ANAPC4: variants seen among roughly 807,000 people sequenced by gnomAD.
ANAPC4 encodes the protein anaphase-promoting complex subunit 4.
Under a neutral mutation model 119.8 loss-of-function variants are expected in ANAPC4, and 63 were observed. The observed-to-expected ratio is 0.53, with a 90% CI of 0.43 to 0.65. The LOEUF is 0.65. Ranked by LOEUF, ANAPC4 falls within the 30% of genes least tolerant of loss-of-function variation. ANAPC4 has a pLI of 0.00. For synonymous variants in ANAPC4, 283 were observed against 318.6 expected, an observed-to-expected ratio of 0.89 and a Z score of 1.19; for missense variants, 716 against 945.1, an observed-to-expected ratio of 0.76 and a Z score of 3.18.
Position 25,377,451 on chromosome 4 carries a change from C to A in ANAPC4, c.24C>A (p.Phe8Leu). The A allele has an allele frequency of 4.3e-6, 7 of 1,614,102 alleles. No individual in the cohort carries two copies. Among genetic ancestry groups the A allele is most frequent in the Non-Finnish European group, 5.9e-6 (7 of 1,180,000 alleles). ...CCATGTTGCGTTTTCCGACCTGTTTCCCATCCTTCCGGGTGGTGGGAGAGA... is the reference window on the plus strand; with the variant it reads ...CCATGTTGCGTTTTCCGACCTGTTTACCATCCTTCCGGGTGGTGGGAGAGA... The part of the protein sequence containing the change: MLRFPTC[F>L]PSFRVVGEKQ... The change falls in exon 2 of 29, where the codon TTC becomes TTA. Residue 8 changes from phenylalanine (F) to leucine (L), a missense_variant. Around this residue, in one of 3 missense-constraint regions of ANAPC4, gnomAD observed 202 missense variants for 293.5 expected, o/e 0.69. Transcript: ENST00000315368.
rs755782244 is a variant in ANAPC4, at chr4:25,418,176, G to T, written c.2221G>T (p.Val741Leu). The change falls in exon 29 of 29, where the codon GTG (valine) becomes TTG (leucine). Residue 741 changes from valine (V) to leucine (L), a missense_variant. Val to Leu is a conservative substitution (Grantham distance 32). Around this residue, in one of 3 missense-constraint regions of ANAPC4, gnomAD observed 504 missense variants for 615.8 expected, o/e 0.82. Coordinates refer to ENST00000315368, the MANE Select transcript of ANAPC4 (RefSeq NM_013367.3). ...SCVLSSNLRH[V>L]RVFEMDIDDE... The stretch of plus-strand genomic sequence containing the variant: ...TTAGTTAAGCTCAAATCTTCGTCAT[G>T]TGAGAGTATTTGAAATGGACATAGA... 44 of 1,613,688 alleles carry T rather than the reference G, an allele frequency of 2.7e-5. No homozygotes were observed. Among genetic ancestry groups the T allele is most frequent in the Middle Eastern group, 1.6e-4 (1 of 6,078 alleles).
chr4:25,402,186 A>G (rs1723015540), intron 16 of ANAPC4, among the ~76,000 whole-genome samples: 1 of 152,144 alleles, frequency 6.6e-6, no homozygotes, highest in Non-Finnish European at 1.5e-5. Context: ...CTTTTATTCC[A>G]AGCGTTTTAC....
chr4:25,403,080 A>C, intron 17 of ANAPC4, 54 bp downstream of exon 17: 2 of 1,312,606 alleles, frequency 1.5e-6, no homozygotes, highest in Non-Finnish European at 2.2e-6. Context: ...AAATTATAGG[A>C]GTATTATCTT....
At chr4:25,382,057 T>C (rs555656276) in intron 3 of ANAPC4, among the ~76,000 whole-genome samples, 1 of 152,388 alleles carries the variant, frequency 6.6e-6, no homozygotes, top group Admixed American at 6.5e-5. Context: ...GAGATCTATA[T>C]ATAATTTTAT....
intron 4 of ANAPC4, among the ~76,000 whole-genome samples, chr4:25,383,749 A>C (rs1721877915): frequency 6.6e-6 from 1 of 152,252 alleles, no homozygotes; most frequent in South Asian, 2.1e-4. Flanking sequence ...AAAAAAATTA[A>C]GCATGTAACT....
chr4:25,384,812 AGACTT>A (rs1297014345), intron 4 of ANAPC4, among the ~76,000 whole-genome samples: 3 of 151,720 alleles, frequency 2.0e-5, no homozygotes, highest in Non-Finnish European at 4.4e-5. Context: ...AAAAAAAAAA[AGACTT>A]GACAGTTGAA....
At chr4:25,380,156 A>T (rs1279425586) in intron 2 of ANAPC4, among the ~76,000 whole-genome samples, 2 of 152,222 alleles carry the variant, frequency 1.3e-5, no homozygotes. Context: ...TCCCGTTGAC[A>T]TAAAAGATTA....
intron 27 of ANAPC4, 150 bp downstream of exon 27, chr4:25,416,748 C>A: frequency 3.7e-6 from 2 of 534,790 alleles, no homozygotes; most frequent in Non-Finnish European, 5.9e-6. Context: ...TCCAATTTTT[C>A]ATTCAAAATA....
Position 25,403,023 on chromosome 4 carries a change from G to A in ANAPC4, c.1267G>A (p.Val423Met). ...CAAAGCATTTTTTCGGTGGCTTTATGTGGGTAAGTTAATTGAGTGAAGCAT... is the reference window on the plus strand; with the variant it reads ...CAAAGCATTTTTTCGGTGGCTTTATATGGGTAAGTTAATTGAGTGAAGCAT... ...NFKAFFRWLY[V>M]AMLRMTEDHV... Residue 423 changes from valine (V) to methionine (M), a missense_variant, in exon 17 of 29, where the codon GTG (valine) becomes ATG (methionine). Val to Met is a conservative substitution (Grantham distance 21). Around this residue, in one of 3 missense-constraint regions of ANAPC4, gnomAD observed 504 missense variants for 615.8 expected, o/e 0.82. Transcript: ENST00000315368. 4 of 1,602,040 alleles carry A rather than the reference G, an allele frequency of 2.5e-6. No individual in the cohort carries two copies. Among genetic ancestry groups the A allele is most frequent in the Non-Finnish European group, 3.4e-6 (4 of 1,171,644 alleles).
At chr4:25,378,958 T>C (rs116302123) in intron 2 of ANAPC4, among the ~76,000 whole-genome samples, 5 of 152,178 alleles carry the variant, frequency 3.3e-5, no homozygotes, top group African/African-American at 9.7e-5. Flanking sequence ...GTTTCTGAAC[T>C]TTGGGTTCTA....
At chr4:25,395,191 CT>C (rs1158123657) in intron 14 of ANAPC4, 27 of 241,674 alleles carry the variant, frequency 1.1e-4, no homozygotes, top group East Asian at 2.6e-4. Flanking sequence ...AGGCATATAT[CT>C]TTTTTTTGAG....
chr4:25,413,781 A>G (rs1216308791), intron 22 of ANAPC4, 39 bp downstream of exon 22: 5 of 1,483,606 alleles, frequency 3.4e-6, no homozygotes, highest in South Asian at 1.2e-5. Flanking sequence ...TGTAGGAGCA[A>G]TAGTGTCTAC....
chr4:25,399,906 A>T (rs1577387864), intron 16 of ANAPC4, among the ~76,000 whole-genome samples: 1 of 152,216 alleles, frequency 6.6e-6, no homozygotes, highest in East Asian at 1.9e-4. Flanking sequence ...CAACCAGAGG[A>T]GTAGGCGTCC....
At chr4:25,411,289 G>A (rs1386318712) in intron 21 of ANAPC4, among the ~76,000 whole-genome samples, 3 of 152,140 alleles carry the variant, frequency 2.0e-5, no homozygotes, top group Non-Finnish European at 4.4e-5. Flanking sequence ...CCTGGACCCT[G>A]TTGCTATTTT....
At chr4:25,387,777 G>A (rs1286276977) in intron 4 of ANAPC4, among the ~76,000 whole-genome samples, 1 of 152,170 alleles carries the variant, frequency 6.6e-6, no homozygotes. Context: ...AAGGCATGGT[G>A]TAGTCTCAAA....
intron 16 of ANAPC4, among the ~76,000 whole-genome samples, chr4:25,397,813 A>T (rs970387541): frequency 2.6e-5 from 4 of 151,392 alleles, no homozygotes; most frequent in Non-Finnish European, 5.9e-5. Flanking sequence ...TTGAAATTTC[A>T]TAACAGTGTT....
intron 25 of ANAPC4, 111 bp from the exon 26 acceptor site, chr4:25,415,355 C>T: frequency 1.3e-6 from 1 of 746,310 alleles, no homozygotes; most frequent in Non-Finnish European, 2.1e-6. Context: ...TCTCAGTGTT[C>T]TAAAGAAGTA....
Position 25,415,487 on chromosome 4 carries a change from T to A in ANAPC4, c.1848T>A (p.Ile616=), listed in dbSNP as rs3214035. ...GAAGATCTGTGAGTAATGGACTAAT[T>A]GCTATTAAATTTGGGAGCTTTACAT... is the stretch of plus-strand genomic sequence containing the variant. ...DISQSVSNGL[I]AIKFGSFTYA... is the part of the protein sequence containing the mutation. Residue 616 remains isoleucine (I), a synonymous_variant, in exon 26 of 29, where the codon ATT becomes ATA. Transcript: ENST00000315368. 0.065 allele frequency: 105,093 copies of A among 1,612,398 alleles called. 3,942 individuals carry two copies. Among genetic ancestry groups the A allele is most frequent in the South Asian group, 0.12 (10,826 of 90,920 alleles).
At chr4:25,412,738 G>T (rs1016597642) in intron 21 of ANAPC4, among the ~76,000 whole-genome samples, 4 of 148,166 alleles carry the variant, frequency 2.7e-5, no homozygotes, top group Non-Finnish European at 5.9e-5. Context: ...GCAACAGAAT[G>T]AGACTCTGTC....
Sources: gnomAD v4.1 joint callset for allele counts (sites outside exome capture counted in the v4.1 genomes callset) on GRCh38, gnomAD v4.1.1 for gene constraint, gnomAD v4.1.1 regional missense constraint, MANE v1.5 for transcripts, NCBI Gene and HGNC (gene_info 2026-07-23, HGNC 2026-07-21) for gene names.